The following TSPEAR variants were observed in gnomAD, a reference collection of about 807,000 sequenced individuals.
TSPEAR encodes thrombospondin-type laminin G domain and EAR repeat-containing protein.
TSPEAR carries 69 observed loss-of-function variants against 71.6 expected under a neutral mutation model. That is an observed-to-expected ratio of 0.96 (90% CI 0.79 to 1.18). TSPEAR has a LOEUF of 1.18. TSPEAR is among the 50% of genes most tolerant of loss of function. The probability of loss-of-function intolerance (pLI) is 0.00; values close to 1 mark genes in which losing one functional copy is unlikely to be tolerated. For missense variants in TSPEAR, 971 were observed against 894.9 expected, an observed-to-expected ratio of 1.09 and a Z score of -1.09; for synonymous variants, 402 against 387.2, an observed-to-expected ratio of 1.04 and a Z score of -0.45.
chr21:44,677,194 T>G, intron 1 of TSPEAR: 1 of 712,834 alleles, frequency 1.4e-6, no homozygotes, highest in Admixed American at 2.1e-5. Flanking sequence ...TTCTTTGCAT[T>G]TTCAGTCACA....
At chr21:44,621,837 G>A (rs1982456542) in intron 1 of TSPEAR, among the ~76,000 whole-genome samples, 1 of 152,042 alleles carries the variant, frequency 6.6e-6, no homozygotes, top group Admixed American at 6.5e-5. Context: ...TGTGGATTCG[G>A]TGTCTTGACA....
chr21:44,605,822 G>T (rs78776607), intron 1 of TSPEAR, among the ~76,000 whole-genome samples: 3 of 151,974 alleles, frequency 2.0e-5, no homozygotes, highest in African/African-American at 7.3e-5. Flanking sequence ...GGAAGACCTC[G>T]GCATAAGACC....
At chr21:44,703,972 C>T (rs1282209898) in intron 1 of TSPEAR, among the ~76,000 whole-genome samples, 1 of 152,136 alleles carries the variant, frequency 6.6e-6, no homozygotes, top group Non-Finnish European at 1.5e-5. Flanking sequence ...CCCAGGAGGC[C>T]CTGAAATCCA....
At chr21:44,629,426 G>T (rs781868711) in intron 1 of TSPEAR, among the ~76,000 whole-genome samples, 1 of 152,178 alleles carries the variant, frequency 6.6e-6, no homozygotes, top group African/African-American at 2.4e-5. Flanking sequence ...TCCTTACGGG[G>T]CTGTCCCTCT....
At chr21:44,706,655 G>GCAGCTCC (rs1569271361) in intron 1 of TSPEAR, among the ~76,000 whole-genome samples, 2 of 152,242 alleles carry the variant, frequency 1.3e-5, no homozygotes, top group Admixed American at 6.5e-5. Flanking sequence ...CGGGGATCGA[G>GCAGCTCC]CAGCTCCGGG....
At chr21:44,504,451 T>TGAGCCCTC (rs2052146502) in intron 11 of TSPEAR, among the ~76,000 whole-genome samples, 1 of 111,620 alleles carries the variant, frequency 9.0e-6, no homozygotes, top group African/African-American at 3.6e-5. Flanking sequence ...GAGCCCACAG[T>TGAGCCCTC]GGGGAAGCAA....
At chr21:44,601,300 G>C (rs1555928691) in intron 1 of TSPEAR, 1 of 1,610,806 alleles carries the variant, frequency 6.2e-7, no homozygotes, top group Admixed American at 1.7e-5. Context: ...TTGCCAGCAG[G>C]CCTGCTGTGT....
intron 1 of TSPEAR, among the ~76,000 whole-genome samples, chr21:44,571,950 C>T (rs1429331490): frequency 1.3e-5 from 2 of 152,210 alleles, no homozygotes; most frequent in African/African-American, 2.4e-5. Flanking sequence ...GGCGAGGCCC[C>T]CGGAGGGGCA....
intron 1 of TSPEAR, among the ~76,000 whole-genome samples, chr21:44,694,476 C>A (rs775163535): frequency 1.6e-4 from 24 of 152,160 alleles, no homozygotes; most frequent in Non-Finnish European, 3.2e-4. Context: ...AGAAACAGTC[C>A]TAGAGGTGAA....
chr21:44,584,248 G>A (rs1292458020), intron 1 of TSPEAR, among the ~76,000 whole-genome samples: 2 of 152,106 alleles, frequency 1.3e-5, no homozygotes, highest in African/African-American at 4.8e-5. Flanking sequence ...CATCCATGTT[G>A]CCACTAATGA....
chr21:44,699,755 G>T (rs1469556426), intron 1 of TSPEAR, among the ~76,000 whole-genome samples: 1 of 152,130 alleles, frequency 6.6e-6, no homozygotes. Flanking sequence ...CTCCAACCAG[G>T]TGCCTCCCCT....
chr21:44,689,504 A>G (rs528175447), intron 1 of TSPEAR, among the ~76,000 whole-genome samples: 47 of 149,998 alleles, frequency 3.1e-4, no homozygotes, highest in South Asian at 1.7e-3. Context: ...TCCATCTCGA[A>G]TAAAAAAAAA....
At chr21:44,609,689 C>T (rs2146169795) in intron 1 of TSPEAR, among the ~76,000 whole-genome samples, 1 of 152,252 alleles carries the variant, frequency 6.6e-6, no homozygotes, top group East Asian at 1.9e-4. Flanking sequence ...TGGGGAGGAG[C>T]AATTGTTAAC....
At chr21:44,676,862 T>G (rs1986337035) in intron 1 of TSPEAR, 3 of 942,262 alleles carry the variant, frequency 3.2e-6, no homozygotes, top group Non-Finnish European at 5.3e-6. Context: ...ATGTGCTGCT[T>G]TTCTGTGGCC....
At chr21:44,518,923 G>T (rs1439250867) in intron 9 of TSPEAR, 2 of 251,688 alleles carry the variant, frequency 7.9e-6, no homozygotes, top group Non-Finnish European at 1.6e-5. Flanking sequence ...GGAGCCCCGG[G>T]TGTTTCCACG....
At chr21:44,680,541 T>C (rs782581072) in intron 1 of TSPEAR, among the ~76,000 whole-genome samples, 6 of 152,206 alleles carry the variant, frequency 3.9e-5, no homozygotes, top group Non-Finnish European at 5.9e-5. Flanking sequence ...CCTGCTACTA[T>C]TTATTCAAAG....
rs202221435 is a variant in TSPEAR, at chr21:44,574,812, A to G, written c.83-6807T>C. 5.6e-6 allele frequency: 9 copies of G among 1,612,434 alleles called. No individual in the cohort carries two copies. Among genetic ancestry groups the G allele is most frequent in the Admixed American group, 1.7e-5 (1 of 59,916 alleles). ...TAGCTGCCAGCCAGCTTGCTGCACCACCTCCTGCTGCAGACCCTCCTCCTC... is the reference window on the plus strand; with the variant it reads ...TAGCTGCCAGCCAGCTTGCTGCACCGCCTCCTGCTGCAGACCCTCCTCCTC... On this transcript the variant is annotated intron_variant, in intron 1 of 11. Transcript: ENST00000323084.
intron 1 of TSPEAR, chr21:44,627,288 G>A (rs368541625): frequency 2.5e-5 from 40 of 1,612,306 alleles, no homozygotes; most frequent in Middle Eastern, 2.0e-4. Flanking sequence ...GCTGCGCCCC[G>A]GCCCCCTGCC....
intron 8 of TSPEAR, among the ~76,000 whole-genome samples, chr21:44,523,417 A>G (rs1284172785): frequency 6.6e-6 from 1 of 151,818 alleles, no homozygotes; most frequent in Non-Finnish European, 1.5e-5. Flanking sequence ...TAAGTCAGGT[A>G]GTCAGGTAGT....
Sources: allele counts gnomAD v4.1 joint callset (sites outside exome capture counted in the v4.1 genomes callset), GRCh38; gene constraint gnomAD v4.1.1; transcripts MANE v1.5; gene names NCBI Gene and HGNC (gene_info 2026-07-23, HGNC 2026-07-21).